DHX57: variants seen among roughly 807,000 people sequenced by gnomAD.
DHX57 encodes DExH-box helicase 57.
DHX57 carries 105 observed loss-of-function variants against 156.2 expected under a neutral mutation model. The observed-to-expected ratio is 0.67, with a 90% CI of 0.57 to 0.79. DHX57 has a LOEUF of 0.79. Among genes scored for constraint, DHX57 ranks in the 30% least tolerant of loss-of-function variants. The pLI is 0.00. For synonymous variants in DHX57, 704 were observed against 595.6 expected, an observed-to-expected ratio of 1.18 and a Z score of -2.65; for missense variants, 1,847 against 1,661.9, an observed-to-expected ratio of 1.11 and a Z score of -1.94.
chr2:38,860,996 T>A lies in DHX57; in HGVS notation c.1411+3A>T. The A allele has an allele frequency of 6.2e-7, 1 of 1,610,540 alleles. No homozygotes were observed. The highest frequency in any genetic ancestry group is 8.5e-7 in the Non-Finnish European group (1 of 1,177,480). Reference sequence around the variant, plus strand: ...CCCTCCACAAGATCAATGCCTTACATACCTTCTGGAATTTGATTAGAAACA... The same window carrying A: ...CCCTCCACAAGATCAATGCCTTACAAACCTTCTGGAATTTGATTAGAAACA... On this transcript the variant is annotated splice_donor_region_variant and intron_variant, in intron 5 of 23. Transcript: ENST00000457308.
intron 22 of DHX57, among the ~76,000 whole-genome samples, chr2:38,803,759 G>C (rs962129091): frequency 6.7e-5 from 10 of 149,634 alleles, no homozygotes; most frequent in African/African-American, 2.5e-4. Flanking sequence ...AAAGTCCTGG[G>C]ATTACAGGTG....
At chr2:38,805,383 G>A (rs1008427721) in intron 22 of DHX57, among the ~76,000 whole-genome samples, 2 of 152,150 alleles carry the variant, frequency 1.3e-5, no homozygotes, top group African/African-American at 4.8e-5. Context: ...AGAGTGTGTG[G>A]TACACTCTGG....
chr2:38,870,499 G>C (rs1488200169), intron 1 of DHX57, among the ~76,000 whole-genome samples: 2 of 152,222 alleles, frequency 1.3e-5, no homozygotes, highest in Non-Finnish European at 2.9e-5. Context: ...CACTTACAGG[G>C]GGGAACCCCA....
intron 23 of DHX57, among the ~76,000 whole-genome samples, chr2:38,801,124 C>A (rs948949580): frequency 1.3e-5 from 2 of 152,220 alleles, no homozygotes; most frequent in Admixed American, 6.5e-5. Context: ...CTGTTGGACA[C>A]TGCTGCTCTG....
At chr2:38,830,172 T>C (rs1176663965) in intron 13 of DHX57, among the ~76,000 whole-genome samples, 2 of 152,216 alleles carry the variant, frequency 1.3e-5, no homozygotes, top group Non-Finnish European at 2.9e-5. Flanking sequence ...TATTCAGTCA[T>C]AGTTATCCTT....
intron 22 of DHX57, among the ~76,000 whole-genome samples, chr2:38,805,591 A>G (rs767790201): frequency 1.3e-5 from 2 of 152,180 alleles, no homozygotes; most frequent in Non-Finnish European, 2.9e-5. Flanking sequence ...AGAGATGTCA[A>G]CAAGGAGGCA....
At chr2:38,841,093 G>C (rs1432538942) in intron 12 of DHX57, among the ~76,000 whole-genome samples, 3 of 152,204 alleles carry the variant, frequency 2.0e-5, no homozygotes, top group Non-Finnish European at 4.4e-5. Context: ...AAAGTGTTGG[G>C]ATTATAGGCG....
intron 5 of DHX57, 104 bp downstream of exon 5, chr2:38,860,895 G>C: frequency 2.0e-6 from 2 of 978,536 alleles, no homozygotes; most frequent in Admixed American, 5.0e-5. Flanking sequence ...GGCTTGTTCA[G>C]CTTGTTCAAG....
chr2:38,850,558 C>T (rs1413379424), intron 9 of DHX57, among the ~76,000 whole-genome samples: 1 of 151,892 alleles, frequency 6.6e-6, no homozygotes, highest in East Asian at 1.9e-4. Flanking sequence ...ATCAGTAATC[C>T]CAGAATGGAA....
chr2:38,844,144 G>C (rs1024970274), intron 11 of DHX57, among the ~76,000 whole-genome samples: 1 of 152,084 alleles, frequency 6.6e-6, no homozygotes, highest in Non-Finnish European at 1.5e-5. Context: ...CCGTTTGTTT[G>C]TTTATTGAAT....
chr2:38,828,882 G>T (rs1671240565), intron 13 of DHX57, among the ~76,000 whole-genome samples: 1 of 152,184 alleles, frequency 6.6e-6, no homozygotes, highest in Admixed American at 6.5e-5. Flanking sequence ...ACTGAGGTGT[G>T]GAAAAGTATA....
At chr2:38,815,686 G>A (rs373658174) in intron 19 of DHX57, 31 bp from the exon 20 acceptor site, 10 of 1,613,404 alleles carry the variant, frequency 6.2e-6, no homozygotes, top group East Asian at 2.2e-5. Context: ...TTTAAGCAAG[G>A]GCATCAGCAT....
rs116764529 is a variant in DHX57 at position 38,854,853 on chromosome 2, C to T, written c.1905+204G>A. 732 of 476,696 alleles carry T rather than the reference C, an allele frequency of 1.5e-3. 7 individuals carry two copies. The highest frequency in any genetic ancestry group is 0.013 in the East Asian group (305 of 24,122). 29.5% of individuals were successfully genotyped at this position (476,696 alleles called of 1,614,324 possible). A position where few individuals can be genotyped will look rare whatever the true frequency, so the allele number is the denominator to read the frequency against. ...CTGGGATTACAGGTGTGAGCCACCG[C>T]GCCTGGCCATAAGAGTTCTTATACC... On this transcript the variant is annotated intron_variant, in intron 8 of 23. Transcript: ENST00000457308.
chr2:38,860,378 G>A (rs529911241), intron 5 of DHX57, among the ~76,000 whole-genome samples: 1 of 152,304 alleles, frequency 6.6e-6, no homozygotes, highest in South Asian at 2.1e-4. Context: ...GAACCTGGGA[G>A]TCAGAGGTTG....
intron 23 of DHX57, among the ~76,000 whole-genome samples, chr2:38,799,962 C>A (rs13418902): frequency 0.1 from 15,416 of 151,842 alleles, 846 homozygotes; most frequent in African/African-American, 0.11. Flanking sequence ...CCAAGGCGGG[C>A]AGATCACCTG....
intron 19 of DHX57, among the ~76,000 whole-genome samples, chr2:38,818,153 C>T (rs752976795): frequency 6.6e-6 from 1 of 152,078 alleles, no homozygotes; most frequent in Non-Finnish European, 1.5e-5. Context: ...AAGCTATGGT[C>T]CGCCTCTCCA....
rs1270656438 is a variant in DHX57 at position 38,862,180 on chromosome 2, A to C, written c.537T>G (p.Phe179Leu). The C allele has an allele frequency of 6.2e-7, 1 of 1,611,004 alleles. No homozygotes were observed. The change falls in exon 4 of 24, where the codon TTT becomes TTG. Residue 179 changes from phenylalanine to leucine, a missense_variant. Phe to Leu is a conservative substitution (Grantham distance 22, BLOSUM62 0). Transcript: ENST00000457308. Reference protein sequence around the residue: ...LASVEPYVPEFTVSPFAVQKL... With the variant: ...LASVEPYVPELTVSPFAVQKL... ...TTTGCACTGCAAATGGGGAGACTGT[A>C]AATTCTGGAACATAAGGCTCCACTG...
chr2:38,806,326 A>G, intron 22 of DHX57: 1 of 442,532 alleles, frequency 2.3e-6, no homozygotes, highest in Non-Finnish European at 3.9e-6. Context: ...ACAATTTTAT[A>G]TCTGAAAGCA....
chr2:38,822,001 T>C (rs1179146053), intron 17 of DHX57, among the ~76,000 whole-genome samples: 1 of 152,134 alleles, frequency 6.6e-6, no homozygotes, highest in Non-Finnish European at 1.5e-5. Flanking sequence ...GAATTAATAA[T>C]AAAACAACTA....
Sources: gnomAD v4.1 joint callset for allele counts (sites outside exome capture counted in the v4.1 genomes callset) on GRCh38, gnomAD v4.1.1 for gene constraint, MANE v1.5 for transcripts, NCBI Gene and HGNC (gene_info 2026-07-23, HGNC 2026-07-21) for gene names.